Variants in EPB41L4A observed in about 807,000 individuals in gnomAD.
The protein encoded by EPB41L4A is band 4.1-like protein 4A.
Under a neutral mutation model 108.6 loss-of-function variants are expected in EPB41L4A, and 100 were observed. The ratio of observed to expected loss-of-function variants is 0.92; its 90% CI spans 0.78 to 1.09. EPB41L4A has a LOEUF of 1.09. Among genes scored for constraint, EPB41L4A ranks in the 50% least tolerant of loss-of-function variants. The pLI is 0.00. For missense variants in EPB41L4A, 1,030 were observed against 842.7 expected (o/e 1.22, Z -2.75); for synonymous variants, 319 against 289.0 (o/e 1.10, Z -1.05).
At chr5:112,180,375 G>T (rs573340469) in intron 18 of EPB41L4A, among the ~76,000 whole-genome samples, 2 of 151,978 alleles carry the variant, frequency 1.3e-5, no homozygotes, top group African/African-American at 4.8e-5. Context: ...GATGGCTTAG[G>T]GATAGACAAA....
At chr5:112,236,421 G>A (rs1749335197) in intron 11 of EPB41L4A, among the ~76,000 whole-genome samples, 1 of 152,102 alleles carries the variant, frequency 6.6e-6, no homozygotes. Context: ...CCAGCTAAGT[G>A]GTCTTCAGAA....
intron 1 of EPB41L4A, among the ~76,000 whole-genome samples, chr5:112,407,675 A>G (rs549991911): frequency 2.0e-5 from 3 of 152,348 alleles, no homozygotes; most frequent in Non-Finnish European, 4.4e-5. Context: ...CAAGTGATTT[A>G]CAGAAAAATC....
intron 4 of EPB41L4A, among the ~76,000 whole-genome samples, chr5:112,268,614 C>T (rs1238800267): frequency 6.6e-6 from 1 of 151,874 alleles, no homozygotes; most frequent in Non-Finnish European, 1.5e-5. Context: ...TTTTGGGAGG[C>T]TGTGGAAAGA....
rs1435541244 is a variant in EPB41L4A at position 112,211,604 on chromosome 5, C to A, written c.1088-1622G>T. 6.8e-5 allele frequency among the ~76,000 whole-genome samples: 10 copies of A among 147,390 alleles called. No homozygotes were observed. The East Asian group carries it at 2.0e-3, about 29-fold the overall frequency. ...CTCCGTCTCAAAAAAAAAAAAAAAA[C>A]CCACACAGCAAGTGAAAGTGATGTT... is the stretch of plus-strand genomic sequence containing the variant. On this transcript the variant is annotated intron_variant, in intron 12 of 22. Transcript: ENST00000261486.
intron 11 of EPB41L4A, among the ~76,000 whole-genome samples, chr5:112,239,448 CCA>C (rs1749611015): frequency 6.6e-6 from 1 of 151,942 alleles, no homozygotes; most frequent in Admixed American, 6.6e-5. Context: ...ATCTAAAAGC[CCA>C]CAACATAGCT....
intron 1 of EPB41L4A, among the ~76,000 whole-genome samples, chr5:112,310,473 T>A (rs1447609949): frequency 1.3e-5 from 2 of 152,248 alleles, no homozygotes; most frequent in African/African-American, 4.8e-5. Context: ...CTGTAATGGA[T>A]TGCTTCTAAA....
At chr5:112,145,862 T>A (rs1203796342) in intron 13 of EPB41L4A, 1 of 454,524 alleles carries the variant, frequency 2.2e-6, no homozygotes, top group East Asian at 7.0e-5. Context: ...CAATTATCAA[T>A]ATACATAATT....
chr5:112,406,478 C>A (rs1193445529), intron 1 of EPB41L4A, among the ~76,000 whole-genome samples: 1 of 152,188 alleles, frequency 6.6e-6, no homozygotes, highest in East Asian at 1.9e-4. Context: ...AAAAGAAATT[C>A]CACGCAAGCC....
intron 1 of EPB41L4A, among the ~76,000 whole-genome samples, chr5:112,311,699 G>A (rs1430865454): frequency 1.3e-5 from 2 of 152,166 alleles, no homozygotes; most frequent in Non-Finnish European, 2.9e-5. Flanking sequence ...CAGAGTGAGT[G>A]AGACTCTGTC....
chr5:112,296,822 T>G (rs1754015885), intron 2 of EPB41L4A, among the ~76,000 whole-genome samples: 1 of 152,076 alleles, frequency 6.6e-6, no homozygotes, highest in African/African-American at 2.4e-5. Context: ...TGCATCCTCA[T>G]AGCTTAGCCC....
chr5:112,219,629 G>A (rs964319311), intron 12 of EPB41L4A, among the ~76,000 whole-genome samples: 6 of 152,054 alleles, frequency 3.9e-5, no homozygotes, highest in Non-Finnish European at 8.8e-5. Context: ...ATTATAATTA[G>A]TAGCAGTATA....
At chr5:112,157,769 A>G (rs1485415720), downstream of EPB41L4A, among the ~76,000 whole-genome samples, 1 of 152,212 alleles carries the variant, frequency 6.6e-6, no homozygotes, top group Non-Finnish European at 1.5e-5. Flanking sequence ...GTAATGCACC[A>G]TATTCACAGG....
intron 1 of EPB41L4A, among the ~76,000 whole-genome samples, chr5:112,416,728 A>G (rs924950290): frequency 2.6e-5 from 4 of 152,318 alleles, no homozygotes; most frequent in Middle Eastern, 3.4e-3. Context: ...CATCAATTGT[A>G]CCTATGCACC....
intron 1 of EPB41L4A, among the ~76,000 whole-genome samples, chr5:112,377,278 AATATATCG>A (rs1466099898): frequency 6.6e-6 from 1 of 152,010 alleles, no homozygotes; most frequent in Non-Finnish European, 1.5e-5. Context: ...CTGTACCTTG[AATATATCG>A]ATTATCAATA....
intron 1 of EPB41L4A, among the ~76,000 whole-genome samples, chr5:112,416,038 T>C (rs1006256511): frequency 3.9e-5 from 6 of 152,116 alleles, no homozygotes; most frequent in Admixed American, 6.5e-5. Context: ...TAAAATTATT[T>C]TCCATTTAAC....
chr5:112,170,996 T>C lies in EPB41L4A; in HGVS notation c.1623-4A>G. Reference sequence around the variant, plus strand: ...TGCTTGGATATCGGGGCTTCTCCTATAAATAGAGAAAACAACATTCATCTC... The same window carrying C: ...TGCTTGGATATCGGGGCTTCTCCTACAAATAGAGAAAACAACATTCATCTC... On this transcript the variant is annotated splice_region_variant and splice_polypyrimidine_tract_variant and intron_variant, in intron 18 of 22. Coordinates refer to ENST00000261486, the MANE Select transcript of EPB41L4A (RefSeq NM_022140.5). 2.5e-6 allele frequency: 4 copies of C among 1,612,570 alleles called. No homozygotes were observed. Among genetic ancestry groups the C allele is most frequent in the Non-Finnish European group, 3.4e-6 (4 of 1,178,618 alleles).
chr5:112,370,462 T>C (rs1223077774), intron 1 of EPB41L4A, among the ~76,000 whole-genome samples: 1 of 152,196 alleles, frequency 6.6e-6, no homozygotes, highest in Admixed American at 6.5e-5. Flanking sequence ...ATGATGGTAA[T>C]GTGTCCAGTT....
chr5:112,221,257 T>C (rs1269227540), intron 12 of EPB41L4A, among the ~76,000 whole-genome samples: 2 of 152,198 alleles, frequency 1.3e-5, no homozygotes, highest in Non-Finnish European at 2.9e-5. Flanking sequence ...ATAAGCAAAT[T>C]ATCCTTCCGG....
At chr5:112,414,654 C>G (rs764583487) in intron 1 of EPB41L4A, among the ~76,000 whole-genome samples, 1 of 152,204 alleles carries the variant, frequency 6.6e-6, no homozygotes. Flanking sequence ...TAGGGAGGGA[C>G]AGCCAAAAGC....
Sources: gnomAD v4.1 joint callset for allele counts (sites outside exome capture counted in the v4.1 genomes callset) on GRCh38, gnomAD v4.1.1 for gene constraint, MANE v1.5 for transcripts, NCBI Gene and HGNC (gene_info 2026-07-23, HGNC 2026-07-21) for gene names.